The following MGAT4C variants were observed in gnomAD, a reference collection of about 807,000 sequenced individuals.
MGAT4C encodes MGAT4 family member C.
In MGAT4C, 19 loss-of-function variants were observed where a neutral mutation model predicts 40.1. That is an observed-to-expected ratio of 0.47 (90% CI 0.33 to 0.70). MGAT4C has a LOEUF of 0.70. Among genes scored for constraint, MGAT4C ranks in the 30% least tolerant of loss-of-function variants. The pLI, the probability that MGAT4C is intolerant of heterozygous loss-of-function variation, is 0.02. For missense variants in MGAT4C, 491 were observed against 563.2 expected, an observed-to-expected ratio of 0.87 and a Z score of 1.30; for synonymous variants, 181 against 187.1, an observed-to-expected ratio of 0.97 and a Z score of 0.27.
At chr12:86,138,854 C>T (rs1179830054) in intron 1 of MGAT4C, among the ~76,000 whole-genome samples, 2 of 151,846 alleles carry the variant, frequency 1.3e-5, no homozygotes, top group Non-Finnish European at 2.9e-5. Context: ...AGGAACTTTC[C>T]TTATAAATTA....
intron 1 of MGAT4C, among the ~76,000 whole-genome samples, chr12:86,761,002 T>C (rs988528853): frequency 6.6e-6 from 1 of 152,218 alleles, no homozygotes; most frequent in Admixed American, 6.5e-5. Flanking sequence ...ATGTTCACTA[T>C]CTTAATTTTG....
intron 2 of MGAT4C, among the ~76,000 whole-genome samples, chr12:86,494,628 A>C (rs1958205726): frequency 6.6e-6 from 1 of 151,922 alleles, no homozygotes; most frequent in Non-Finnish European, 1.5e-5. Flanking sequence ...CATTTAAAAA[A>C]AAAACGTGCT....
chr12:86,710,042 T>G (rs1403030307), intron 2 of MGAT4C, among the ~76,000 whole-genome samples: 1 of 152,204 alleles, frequency 6.6e-6, no homozygotes, highest in Non-Finnish European at 1.5e-5. Context: ...ATTATTTTTA[T>G]GATGGAATAA....
At chr12:86,222,168 C>T (rs1264264509) in intron 1 of MGAT4C, among the ~76,000 whole-genome samples, 1 of 152,108 alleles carries the variant, frequency 6.6e-6, no homozygotes, top group East Asian at 1.9e-4. Flanking sequence ...GGTCAAAATG[C>T]ACATTTTTCT....
chr12:86,806,885 A>C (rs1952366410), intron 1 of MGAT4C, among the ~76,000 whole-genome samples: 1 of 151,930 alleles, frequency 6.6e-6, no homozygotes, highest in African/African-American at 2.4e-5. Flanking sequence ...GAGGGATAGC[A>C]CTAGAGATAT....
intron 1 of MGAT4C, among the ~76,000 whole-genome samples, chr12:86,232,074 C>T (rs1036222731): frequency 1.3e-5 from 2 of 148,478 alleles, no homozygotes; most frequent in East Asian, 4.1e-4. Flanking sequence ...CCCGGGAGGC[C>T]GAGTGAGCCG....
chr12:86,030,514 A>T (rs1030827897), intron 2 of MGAT4C, among the ~76,000 whole-genome samples: 1 of 151,724 alleles, frequency 6.6e-6, no homozygotes, highest in African/African-American at 2.4e-5. Flanking sequence ...AACACTGAAA[A>T]GGTTTACTAG....
chr12:86,455,556 C>T (rs1957495508), intron 2 of MGAT4C, among the ~76,000 whole-genome samples: 1 of 152,022 alleles, frequency 6.6e-6, no homozygotes, highest in African/African-American at 2.4e-5. Context: ...CCTTTCTAAG[C>T]ATAATTCTCT....
intron 1 of MGAT4C, among the ~76,000 whole-genome samples, chr12:86,055,583 T>G (rs185498637): frequency 2.0e-4 from 30 of 152,218 alleles, no homozygotes; most frequent in Admixed American, 3.9e-4. Flanking sequence ...TCCCTGATCT[T>G]TAATTGATTT....
chr12:86,712,116 G>A (rs2136632592), intron 2 of MGAT4C, among the ~76,000 whole-genome samples: 1 of 152,130 alleles, frequency 6.6e-6, no homozygotes, highest in Non-Finnish European at 1.5e-5. Flanking sequence ...TTTATTAAAT[G>A]AGAAGATAAT....
At chr12:86,665,493 C>A (rs1964082274) in intron 2 of MGAT4C, among the ~76,000 whole-genome samples, 1 of 151,994 alleles carries the variant, frequency 6.6e-6, no homozygotes, top group South Asian at 2.1e-4. Flanking sequence ...TCTCCTGCCT[C>A]AGCCTCCCCA....
At chr12:86,731,733 G>GA (rs139948088) in intron 1 of MGAT4C, among the ~76,000 whole-genome samples, 3,370 of 151,590 alleles carry the variant, frequency 0.022, 124 homozygotes, top group African/African-American at 0.076. Context: ...GTTCTTCTGG[G>GA]AAAAAAAATG....
chr12:86,602,429 C>G (rs771063021), intron 2 of MGAT4C, among the ~76,000 whole-genome samples: 5 of 152,148 alleles, frequency 3.3e-5, no homozygotes, highest in Non-Finnish European at 5.9e-5. Context: ...GAGGTGTGCT[C>G]TAAGCACTGG....
chr12:86,620,043 C>T (rs534918768), intron 2 of MGAT4C, among the ~76,000 whole-genome samples: 2 of 151,948 alleles, frequency 1.3e-5, no homozygotes, highest in Non-Finnish European at 2.9e-5. Flanking sequence ...GTCAGAATGA[C>T]TATTATTAAA....
intron 2 of MGAT4C, among the ~76,000 whole-genome samples, chr12:86,476,213 A>T (rs922470066): frequency 2.0e-5 from 3 of 152,136 alleles, no homozygotes; most frequent in Non-Finnish European, 4.4e-5. Flanking sequence ...TAATATCTAG[A>T]ATCTATAAGG....
In MGAT4C at chr12:86,775,256, C is replaced by A. The variant is rs562659807; in HGVS notation, c.-261-48015G>T. Reference sequence around the variant, plus strand: ...ACAAAGTATTTACCATCCTACTGAACATAGTATAAAACTCTAAAACTTAAG... The same window carrying A: ...ACAAAGTATTTACCATCCTACTGAAAATAGTATAAAACTCTAAAACTTAAG... On this transcript the variant is annotated intron_variant, in intron 1 of 7. Coordinates refer to the MGAT4C transcript ENST00000548651. Among the ~76,000 whole-genome samples the A allele has an allele frequency of 8.6e-5, 13 of 152,046 alleles. 1 individual carries two copies. The East Asian group carries it at 2.3e-3, about 27-fold the overall frequency.
intron 1 of MGAT4C, among the ~76,000 whole-genome samples, chr12:86,147,334 C>T (rs1593070505): frequency 1.3e-5 from 2 of 152,076 alleles, no homozygotes; most frequent in East Asian, 1.9e-4. Context: ...CTCCACCTCC[C>T]GGGTTCACGT....
At chr12:86,593,309 G>T (rs1305246713) in intron 2 of MGAT4C, among the ~76,000 whole-genome samples, 2 of 151,566 alleles carry the variant, frequency 1.3e-5, no homozygotes, top group East Asian at 3.9e-4. Context: ...TTTGTTAATT[G>T]TTTCAAAGAA....
intron 1 of MGAT4C, among the ~76,000 whole-genome samples, chr12:86,159,600 T>C (rs1885363328): frequency 6.6e-6 from 1 of 151,972 alleles, no homozygotes; most frequent in African/African-American, 2.4e-5. Flanking sequence ...GTAGAATTGG[T>C]ATATTTTTTT....
Sources: allele counts gnomAD v4.1 joint callset (sites outside exome capture counted in the v4.1 genomes callset), GRCh38; gene constraint gnomAD v4.1.1; transcripts MANE v1.5; gene names NCBI Gene and HGNC (gene_info 2026-07-23, HGNC 2026-07-21).